TWF1: variants seen among roughly 807,000 people sequenced by gnomAD.
TWF1 encodes twinfilin actin binding protein 1.
Under a neutral mutation model 47.9 loss-of-function variants are expected in TWF1, and 14 were observed. That is an observed-to-expected ratio of 0.29 (90% confidence interval 0.19 to 0.46). TWF1 has a LOEUF of 0.46. Ranked by LOEUF, TWF1 falls within the 20% of genes least tolerant of loss-of-function variation. TWF1 has a pLI of 1.00. For missense variants in TWF1, 281 were observed against 409.3 expected (o/e 0.69, Z 2.70); for synonymous variants, 96 against 139.2 (o/e 0.69, Z 2.18).
chr12:43,799,602 A>C, intron 4 of TWF1, 100 bp from the exon 5 acceptor site: 1 of 557,926 alleles, frequency 1.8e-6, no homozygotes, highest in African/African-American at 1.9e-5. Context: ...AAAGATTTTA[A>C]ATGAAAATAA....
chr12:43,795,825 A>G, intron 8 of TWF1, 70 bp from the exon 9 acceptor site: 1 of 1,479,298 alleles, frequency 6.8e-7, no homozygotes, highest in East Asian at 2.3e-5. Flanking sequence ...TTTCAGGTAT[A>G]TGAATGCTCA....
At position 43,806,215 on chromosome 12, in the gene TWF1, T is replaced by C. The variant is rs1200006449; in HGVS notation, c.25+6A>G. 1.9e-6 allele frequency: 3 copies of C among 1,540,180 alleles called. No homozygotes were observed. The highest frequency in any genetic ancestry group is 2.8e-5 in the African/African-American group (2 of 71,914). ...CTTCCCTGCGAGTCGCGCCGGGCGC[T>C]GTTACCTTGGATGCCGGTCTGGTGG... On this transcript the variant is annotated splice_donor_region_variant and intron_variant, in intron 1 of 8. Transcript: ENST00000395510.
chr12:43,797,526 A>T, intron 6 of TWF1, 74 bp from the exon 7 acceptor site: 5 of 1,386,318 alleles, frequency 3.6e-6, no homozygotes, highest in Non-Finnish European at 4.9e-6. Context: ...TAATAAAAAG[A>T]CCAAGAGATA....
At chr12:43,796,109 G>A (rs1942545421) in intron 8 of TWF1, among the ~76,000 whole-genome samples, 1 of 152,190 alleles carries the variant, frequency 6.6e-6, no homozygotes, top group African/African-American at 2.4e-5. Context: ...CTCTACAAGA[G>A]AGGTAAACAA....
At chr12:43,801,524 A>G (rs1942661037) in intron 3 of TWF1, among the ~76,000 whole-genome samples, 11 of 152,170 alleles carry the variant, frequency 7.2e-5, no homozygotes, top group Admixed American at 6.5e-4. Flanking sequence ...AATTCTGTCT[A>G]TTGTTCTATA....
chr12:43,799,968 A>G (rs1942629069), intron 4 of TWF1, among the ~76,000 whole-genome samples: 1 of 152,124 alleles, frequency 6.6e-6, no homozygotes, highest in Non-Finnish European at 1.5e-5. Flanking sequence ...AGGTCTACCT[A>G]TCATCAAAAT....
In TWF1 at chr12:43,795,426, A is replaced by C; in HGVS notation, c.*159T>G. ...CAAAAATAGAAATCATGAGTCTTCT[A>C]TAACATTAATTTTAAAAACACACAG... On this transcript the variant is annotated 3_prime_UTR_variant, in exon 9 of 9. Transcript: ENST00000395510. The C allele has an allele frequency of 1.7e-6, 1 of 591,734 alleles. No individual in the cohort carries two copies. The highest frequency in any genetic ancestry group is 2.9e-6 in the Non-Finnish European group (1 of 340,036). The allele number at this position is 591,734 out of a possible 1,614,324, so 36.7% of individuals were successfully genotyped here. A position where few individuals can be genotyped will look rare whatever the true frequency, so the allele number is the denominator to read the frequency against.
At chr12:43,803,956 C>CTTTT in intron 2 of TWF1, among the ~76,000 whole-genome samples, 1 of 152,188 alleles carries the variant, frequency 6.6e-6, no homozygotes, top group South Asian at 2.1e-4. Context: ...GATTCTCCCA[C>CTTTT]TCAACCAGAT....
chr12:43,804,726 G>A lies in TWF1; in HGVS notation c.26-154C>T, dbSNP rs556050182. Among the ~76,000 whole-genome samples, 18 of 152,218 alleles carry A rather than the reference G, an allele frequency of 1.2e-4. No homozygotes were observed. The East Asian group carries it at 1.4e-3, about 11-fold the overall frequency. ...ATAAAACTTTACCGCATAAAATAAC[G>A]AAGACTGTATACAATTAAGAAATAT... On this transcript the variant is annotated intron_variant, in intron 1 of 8. Coordinates refer to ENST00000395510, the MANE Select transcript of TWF1 (RefSeq NM_002822.5).
chr12:43,795,870 G>T, intron 8 of TWF1, 115 bp from the exon 9 acceptor site: 1 of 989,434 alleles, frequency 1.0e-6, no homozygotes, highest in Non-Finnish European at 1.5e-6. Flanking sequence ...CAGAATCAAG[G>T]ACCATATGTA....
In TWF1 at chr12:43,804,525, AC is replaced by A. The variant is rs1391734598; in HGVS notation, c.72del (p.Lys24AsnfsTer5). 6.2e-7 allele frequency: 1 copy of A among 1,602,208 alleles called. No individual in the cohort carries two copies. Among genetic ancestry groups the A allele is most frequent in the Non-Finnish European group, 8.5e-7 (1 of 1,175,090 alleles). On this transcript the variant is annotated frameshift_variant, in exon 2 of 9. Transcript: ENST00000395510. LOFTEE classifies it high-confidence loss of function. The stretch of plus-strand genomic sequence containing the variant: ...TCAATAGATATTTTCAGAAGTCTGT[AC>A]TTTCCATTTCTGGCTCTGGCAAAGA... ...KEIFARARNG[K>X]YRLLKISIEN...
At chr12:43,801,042 G>A (rs567533583) in intron 3 of TWF1, among the ~76,000 whole-genome samples, 192 of 152,134 alleles carry the variant, frequency 1.3e-3, no homozygotes, top group East Asian at 6.0e-3. Context: ...ATGAGCCACC[G>A]TGCCTGGCCA....
At position 43,798,467 on chromosome 12, in the gene TWF1, T is replaced by G. The variant is rs58553098; in HGVS notation, c.484-634A>C. 2,046 of 1,212,812 alleles carry G rather than the reference T, an allele frequency of 1.7e-3. 13 individuals are homozygous for G. Among genetic ancestry groups the G allele is most frequent in the African/African-American group, 0.017 (1,056 of 63,994 alleles). The allele number at this position is 1,212,812 out of a possible 1,614,324, so 75.1% of individuals were successfully genotyped here. The stretch of plus-strand genomic sequence containing the variant: ...TCATTCGCAGTGTTGCAACAGAAAG[T>G]CCAATAGAAATTTTACTTTTAAAAA... On this transcript the variant is annotated intron_variant, in intron 5 of 8. Transcript: ENST00000395510.
chr12:43,806,148 G>A, intron 1 of TWF1, 73 bp downstream of exon 1: 1 of 1,490,136 alleles, frequency 6.7e-7, no homozygotes, highest in Non-Finnish European at 9.0e-7. Flanking sequence ...AGCCCTGCCG[G>A]TCCTGCAGCC....
intron 5 of TWF1, 98 bp from the exon 6 acceptor site, chr12:43,797,931 C>T (rs1942584966): frequency 4.1e-6 from 5 of 1,205,790 alleles, no homozygotes. Flanking sequence ...TCATTCAACC[C>T]TAGCCCAACC....
At chr12:43,796,329 G>T (rs1384662671) in intron 8 of TWF1, among the ~76,000 whole-genome samples, 1 of 152,132 alleles carries the variant, frequency 6.6e-6, no homozygotes, top group Non-Finnish European at 1.5e-5. Context: ...AACTTAAAAA[G>T]CATGAAGGGT....
chr12:43,802,055 G>C (rs904241098), intron 3 of TWF1, among the ~76,000 whole-genome samples: 8 of 152,044 alleles, frequency 5.3e-5, no homozygotes, highest in African/African-American at 1.9e-4. Context: ...AATTGCCATT[G>C]CCACAAATTT....
At chr12:43,805,959 C>A in intron 1 of TWF1, 1 of 1,542,466 alleles carries the variant, frequency 6.5e-7, no homozygotes, top group Non-Finnish European at 8.7e-7. Flanking sequence ...AACCAGGCCG[C>A]CTCGAAAGCC....
At chr12:43,805,738 A>C (rs1942749505) in intron 1 of TWF1, 21 of 1,239,732 alleles carry the variant, frequency 1.7e-5, no homozygotes, top group Non-Finnish European at 2.3e-5. Flanking sequence ...TTTGGGAAGC[A>C]CCCCTACTGA....
Sources: gnomAD v4.1 joint callset for allele counts (sites outside exome capture counted in the v4.1 genomes callset) on GRCh38, gnomAD v4.1.1 for gene constraint, MANE v1.5 for transcripts, NCBI Gene and HGNC (gene_info 2026-07-23, HGNC 2026-07-21) for gene names.